The following KCNB2 variants were observed in gnomAD, a reference collection of about 807,000 sequenced individuals.
The protein encoded by KCNB2 is potassium voltage-gated channel subfamily B member 2, also known as delayed rectifier potassium channel protein.
In KCNB2, 15 loss-of-function variants were observed where a neutral mutation model predicts 61.5. The observed-to-expected ratio is 0.24, with a 90% CI of 0.16 to 0.38. The LOEUF is 0.38. KCNB2 is among the 10% of genes least tolerant of loss of function. The pLI is 1.00. For missense variants in KCNB2, 828 were observed against 1,125.2 expected (o/e 0.74, Z 3.78); for synonymous variants, 457 against 446.0 (o/e 1.02, Z -0.31).
At chr8:72,677,113 A>T (rs886898977) in intron 2 of KCNB2, among the ~76,000 whole-genome samples, 1 of 152,198 alleles carries the variant, frequency 6.6e-6, no homozygotes, top group Non-Finnish European at 1.5e-5. Context: ...ACAGACGTAC[A>T]CATGGAGAAC....
chr8:72,673,022 G>T (rs957933805), intron 2 of KCNB2, among the ~76,000 whole-genome samples: 4 of 152,200 alleles, frequency 2.6e-5, no homozygotes, highest in Non-Finnish European at 5.9e-5. Context: ...ATTACCATAT[G>T]ATCCAGCAAT....
At chr8:72,677,461 C>T (rs796110122) in intron 2 of KCNB2, among the ~76,000 whole-genome samples, 33 of 152,296 alleles carry the variant, frequency 2.2e-4, no homozygotes, top group African/African-American at 7.7e-4. Flanking sequence ...CCAGCTATGG[C>T]CCTATTTCTT....
At chr8:72,659,823 T>G (rs937727711) in intron 2 of KCNB2, among the ~76,000 whole-genome samples, 1 of 152,188 alleles carries the variant, frequency 6.6e-6, no homozygotes, top group East Asian at 1.9e-4. Context: ...GGCTTGTACA[T>G]TTTTTATTAG....
Position 72,796,218 on chromosome 8 carries a change from T to G in KCNB2, c.580-139717T>G, listed in dbSNP as rs147001908. Among the ~76,000 whole-genome samples the G allele has an allele frequency of 2.0e-3, 300 of 152,306 alleles. 2 individuals are homozygous for G. Among genetic ancestry groups the G allele is most frequent in the African/African-American group, 7.0e-3 (291 of 41,584 alleles). On this transcript the variant is annotated intron_variant, in intron 2 of 2. Coordinates refer to ENST00000523207, the MANE Select transcript of KCNB2 (RefSeq NM_004770.3). ...TGTTTGTCGTGGGGTGACCACCTGG[T>G]TGGAGCCGATGTGATAGTCAGTGTT...
intron 2 of KCNB2, among the ~76,000 whole-genome samples, chr8:72,578,332 A>G (rs896130069): frequency 6.6e-6 from 1 of 152,228 alleles, no homozygotes; most frequent in Non-Finnish European, 1.5e-5. Flanking sequence ...GCCATACTAC[A>G]GATGGAATGA....
intron 2 of KCNB2, among the ~76,000 whole-genome samples, chr8:72,755,920 G>T (rs573271838): frequency 6.6e-6 from 1 of 152,258 alleles, no homozygotes; most frequent in South Asian, 2.1e-4. Flanking sequence ...CTGCAGGGAG[G>T]CTGGCTGGGG....
At chr8:72,900,537 A>G (rs1806070427) in intron 2 of KCNB2, among the ~76,000 whole-genome samples, 1 of 152,232 alleles carries the variant, frequency 6.6e-6, no homozygotes, top group Non-Finnish European at 1.5e-5. Flanking sequence ...AGCAAAAGAA[A>G]CTATCAGCAG....
intron 2 of KCNB2, among the ~76,000 whole-genome samples, chr8:72,882,295 G>A (rs1805723265): frequency 6.6e-6 from 1 of 152,136 alleles, no homozygotes; most frequent in African/African-American, 2.4e-5. Context: ...TGTTATAAAG[G>A]AACTGGAAAA....
intron 1 of KCNB2, among the ~76,000 whole-genome samples, chr8:72,565,472 A>T (rs1806609507): frequency 6.6e-6 from 1 of 152,144 alleles, no homozygotes; most frequent in Non-Finnish European, 1.5e-5. Context: ...TAAAGGTGGT[A>T]TTTTGGATGA....
At chr8:72,924,935 G>T (rs1301823150) in intron 2 of KCNB2, among the ~76,000 whole-genome samples, 2 of 152,130 alleles carry the variant, frequency 1.3e-5, no homozygotes, top group Non-Finnish European at 2.9e-5. Flanking sequence ...TGCAGTCACG[G>T]CTGGATTTGG....
At chr8:72,796,842 A>G (rs1035539636) in intron 2 of KCNB2, among the ~76,000 whole-genome samples, 4 of 152,150 alleles carry the variant, frequency 2.6e-5, no homozygotes, top group African/African-American at 4.8e-5. Flanking sequence ...GAATACTGAA[A>G]AGTATACTCT....
chr8:72,613,867 G>A (rs963345873), intron 2 of KCNB2, among the ~76,000 whole-genome samples: 4 of 152,202 alleles, frequency 2.6e-5, no homozygotes, highest in Non-Finnish European at 5.9e-5. Context: ...ACGTGAAAGA[G>A]TGAATTTCTT....
chr8:72,814,202 G>GTA lies in KCNB2; in HGVS notation c.580-121731_580-121730dup, dbSNP rs549492122. On this transcript the variant is annotated intron_variant, in intron 2 of 2. Transcript: ENST00000523207. ...TAATTTAATTATCATTGCTGTATAA[G>GTA]TATTGCCTTGTATGAATATATCACA... Among the ~76,000 whole-genome samples, 39 of 152,246 alleles carry GTA rather than the reference G, an allele frequency of 2.6e-4. No individual in the cohort carries two copies. In the East Asian group the frequency reaches 4.6e-3, roughly 18 times the overall value.
intron 2 of KCNB2, among the ~76,000 whole-genome samples, chr8:72,759,158 C>T (rs1329239368): frequency 2.0e-5 from 3 of 152,078 alleles, no homozygotes; most frequent in Middle Eastern, 6.8e-3. Flanking sequence ...TTATTTTAAT[C>T]AGTAAAAAAG....
chr8:72,663,341 A>G (rs116666707), intron 2 of KCNB2, among the ~76,000 whole-genome samples: 2,730 of 152,252 alleles, frequency 0.018, 64 homozygotes, highest in African/African-American at 0.06. Context: ...ATGTCATCAG[A>G]GAATAGTGGG....
Position 72,937,993 on chromosome 8 carries a change from CAAG to C in KCNB2, c.2642_2644del (p.Glu881del). The C allele has an allele frequency of 6.2e-7, 1 of 1,614,076 alleles. No individual in the cohort carries two copies. Among genetic ancestry groups the C allele is most frequent in the East Asian group, 2.2e-5 (1 of 44,876 alleles). On this transcript the variant is annotated inframe_deletion, in exon 3 of 3. Coordinates refer to ENST00000523207, the MANE Select transcript of KCNB2 (RefSeq NM_004770.3). ...GAGTGAAGTCAAAAAGGACAGTAGT[CAAG>C]AAGGGTGCAAGATGGAAAATCACTT...
intron 2 of KCNB2, among the ~76,000 whole-genome samples, chr8:72,844,904 G>A (rs1585927025): frequency 1.3e-5 from 2 of 152,176 alleles, no homozygotes; most frequent in East Asian, 3.9e-4. Context: ...GCTCAGAGGA[G>A]TTTGTTATTA....
intron 2 of KCNB2, among the ~76,000 whole-genome samples, chr8:72,851,826 G>GTAAAAA (rs1303050547): frequency 2.3e-5 from 1 of 43,868 alleles, no homozygotes; most frequent in Non-Finnish European, 3.9e-5. Flanking sequence ...GAAGCTGTAG[G>GTAAAAA]AAAAAAAAAA....
intron 2 of KCNB2, among the ~76,000 whole-genome samples, chr8:72,588,448 C>T (rs763125652): frequency 3.0e-4 from 45 of 151,842 alleles, no homozygotes; most frequent in Admixed American, 1.2e-3. Flanking sequence ...GGTGATCCGC[C>T]GACCTCAGGT....
Sources: allele counts gnomAD v4.1 joint callset (sites outside exome capture counted in the v4.1 genomes callset), GRCh38; gene constraint gnomAD v4.1.1; transcripts MANE v1.5; gene names NCBI Gene and HGNC (gene_info 2026-07-23, HGNC 2026-07-21).